Variants in DZIP3 observed in about 807,000 individuals in gnomAD.
DZIP3 encodes E3 ubiquitin-protein ligase DZIP3.
Under a neutral mutation model 162.0 loss-of-function variants are expected in DZIP3, and 118 were observed. The ratio of observed to expected loss-of-function variants is 0.73; its 90% CI spans 0.63 to 0.85. The LOEUF (loss-of-function observed/expected upper bound fraction) is 0.85. Among genes scored for constraint, DZIP3 ranks in the 40% least tolerant of loss-of-function variants. The probability of loss-of-function intolerance (pLI) is 0.00; values close to 1 mark genes in which losing one functional copy is unlikely to be tolerated. For synonymous variants in DZIP3, 438 were observed against 458.6 expected (o/e 0.96, Z 0.57); for missense variants, 1,331 against 1,407.0 (o/e 0.95, Z 0.86).
intron 26 of DZIP3, among the ~76,000 whole-genome samples, 167 bp from the exon 27 acceptor site, chr3:108,684,047 CAT>C (rs35559175): frequency 0.23 from 35,000 of 151,866 alleles, 4,730 homozygotes; most frequent in Non-Finnish European, 0.31. Context: ...TTCCAATATT[CAT>C]ATGTTTCATT....
chr3:108,592,276 T>C (rs1455175750), intron 1 of DZIP3, among the ~76,000 whole-genome samples: 1 of 151,954 alleles, frequency 6.6e-6, no homozygotes, highest in African/African-American at 2.4e-5. Flanking sequence ...TGAAGTAAAA[T>C]AGGTAGGATT....
intron 19 of DZIP3, 21 bp from the exon 20 acceptor site, chr3:108,661,856 C>T (rs1334275878): frequency 6.3e-7 from 1 of 1,584,786 alleles, no homozygotes; most frequent in Non-Finnish European, 8.6e-7. Flanking sequence ...ATAATACATG[C>T]ATATTTCCTG....
chr3:108,653,509 A>G (rs2966556), intron 18 of DZIP3, among the ~76,000 whole-genome samples: 900 of 16,294 alleles, frequency 0.055, 7 homozygotes, highest in South Asian at 0.2. Context: ...GTGTGTGTGT[A>G]TATATATATA....
chr3:108,686,019 T>C (rs763789837), intron 27 of DZIP3, among the ~76,000 whole-genome samples: 44 of 152,338 alleles, frequency 2.9e-4, no homozygotes, highest in Non-Finnish European at 5.6e-4. Flanking sequence ...TGATTAGATG[T>C]GCCATAATTT....
At chr3:108,690,927 G>A (rs1266893785) in intron 32 of DZIP3, 24 bp downstream of exon 32, 4 of 1,601,412 alleles carry the variant, frequency 2.5e-6, no homozygotes, top group Non-Finnish European at 3.4e-6. Flanking sequence ...TGCAAAGGAA[G>A]CTCAGTTTTC....
chr3:108,608,425 A>G (rs540661700), intron 3 of DZIP3, among the ~76,000 whole-genome samples: 1 of 152,268 alleles, frequency 6.6e-6, no homozygotes, highest in Non-Finnish European at 1.5e-5. Context: ...GAAATAACCC[A>G]ACAATCATTT....
intron 7 of DZIP3, among the ~76,000 whole-genome samples, chr3:108,627,617 T>C (rs147627918): frequency 2.0e-3 from 305 of 152,342 alleles, no homozygotes; most frequent in African/African-American, 7.0e-3. Flanking sequence ...TAGGACTGGA[T>C]TCAGGTGTCC....
chr3:108,609,312 G>A (rs374822093), intron 3 of DZIP3, among the ~76,000 whole-genome samples: 2 of 152,050 alleles, frequency 1.3e-5, no homozygotes, highest in Non-Finnish European at 2.9e-5. Flanking sequence ...TGAGGTTATC[G>A]CTGTAAAAAA....
intron 8 of DZIP3, among the ~76,000 whole-genome samples, chr3:108,629,589 A>G (rs892287848): frequency 6.6e-6 from 1 of 152,076 alleles, no homozygotes; most frequent in Non-Finnish European, 1.5e-5. Flanking sequence ...TGGAAAAACC[A>G]TTGTTAGCAT....
chr3:108,672,472 G>A lies in DZIP3; in HGVS notation c.2493-88G>A, dbSNP rs189694326. On this transcript the variant is annotated intron_variant, in intron 22 of 32. Transcript: ENST00000361582. ...TCCAAGAAATAATTTCCTACTGATT[G>A]TATAACTTATCTTTCTTCCTCCTGA... 2.6e-3 allele frequency: 2,890 copies of A among 1,090,680 alleles called. 13 individuals are homozygous for A. The highest frequency in any genetic ancestry group is 4.9e-3 in the South Asian group (360 of 72,862). 67.6% of individuals were successfully genotyped at this position (1,090,680 alleles called of 1,614,324 possible). A position where few individuals can be genotyped will look rare whatever the true frequency, so the allele number is the denominator to read the frequency against.
At chr3:108,613,038 T>G (rs141494428) in intron 4 of DZIP3, among the ~76,000 whole-genome samples, 4 of 152,268 alleles carry the variant, frequency 2.6e-5, no homozygotes, top group African/African-American at 9.6e-5. Flanking sequence ...AATTTGTGTT[T>G]TAGTAAGTAC....
Position 108,648,089 on chromosome 3 carries a change from G to A in DZIP3, c.1939G>A (p.Glu647Lys), listed in dbSNP as rs750005271. Reference protein sequence around the residue: ...GTSIPSESSTESLKDLQEVKS... With the variant: ...GTSIPSESSTKSLKDLQEVKS... ...CTCAATACCCAGTGAATCTTCAACA[G>A]AATCTCTTAAAGATCTCCAGGAAGT... is the stretch of plus-strand genomic sequence containing the variant. Residue 647 changes from glutamate (E) to lysine (K), a missense_variant, in exon 16 of 33, where the codon GAA (glutamate) becomes AAA (lysine). Glu to Lys is a moderately conservative substitution (Grantham distance 56). Transcript: ENST00000361582. 9 of 1,603,808 alleles carry A rather than the reference G, an allele frequency of 5.6e-6. No homozygotes were observed. Among genetic ancestry groups the A allele is most frequent in the Non-Finnish European group, 7.6e-6 (9 of 1,176,982 alleles).
chr3:108,683,268 T>C (rs1944384076), intron 26 of DZIP3, among the ~76,000 whole-genome samples: 1 of 144,300 alleles, frequency 6.9e-6, no homozygotes, highest in South Asian at 2.1e-4. Flanking sequence ...CCAGTTAGAA[T>C]TTTTGTTTCC....
chr3:108,685,230 C>T (rs966686389), intron 27 of DZIP3, among the ~76,000 whole-genome samples: 1 of 152,104 alleles, frequency 6.6e-6, no homozygotes, highest in Non-Finnish European at 1.5e-5. Context: ...TTGCAATTTG[C>T]TTGCCCACCA....
At chr3:108,682,125 A>G (rs1944337260) in intron 26 of DZIP3, among the ~76,000 whole-genome samples, 1 of 150,940 alleles carries the variant, frequency 6.6e-6, no homozygotes, top group South Asian at 2.1e-4. Context: ...AATGATATCA[A>G]ATGTTGGCGA....
In DZIP3 at chr3:108,637,662, A is replaced by AGTATTAAGG; in HGVS notation, c.1064+114_1064+115insGTATTAAGG. 3 of 701,474 alleles carry AGTATTAAGG rather than the reference A, an allele frequency of 4.3e-6. 1 individual carries two copies. Among genetic ancestry groups the AGTATTAAGG allele is most frequent in the African/African-American group, 3.8e-5 (2 of 53,024 alleles). The allele number at this position is 701,474 out of a possible 1,614,324, so 43.5% of individuals were successfully genotyped here. ...ATAGAGCTGCATTAAATTTTAAGGT[A>AGTATTAAGG]TGTGAAAAAATCATATTTAATTGCC... On this transcript the variant is annotated intron_variant, in intron 12 of 32. Transcript: ENST00000361582.
In DZIP3 at chr3:108,598,303, A is replaced by G. The variant is rs1241730074; in HGVS notation, c.-72-7032A>G. ...GATTTATTAGCTATGAGACTCTATAAGCCTCAGTTTCTTAATTTTTAAAAC... is the reference window on the plus strand; with the variant it reads ...GATTTATTAGCTATGAGACTCTATAGGCCTCAGTTTCTTAATTTTTAAAAC... On this transcript the variant is annotated intron_variant, in intron 1 of 32. Coordinates refer to ENST00000361582, the MANE Select transcript of DZIP3 (RefSeq NM_014648.4). Among the ~76,000 whole-genome samples the G allele has an allele frequency of 2.6e-5, 4 of 152,288 alleles. No homozygotes were observed. In the East Asian group the frequency reaches 5.8e-4, roughly 22 times the overall value.
At chr3:108,636,877 T>C (rs1440774086) in intron 11 of DZIP3, among the ~76,000 whole-genome samples, 169 bp downstream of exon 11, 1 of 151,940 alleles carries the variant, frequency 6.6e-6, no homozygotes, top group African/African-American at 2.4e-5. Flanking sequence ...TACAAAGTAA[T>C]GTTTAAGTGG....
intron 4 of DZIP3, among the ~76,000 whole-genome samples, chr3:108,611,978 T>G (rs1379575375): frequency 6.9e-6 from 1 of 145,174 alleles, no homozygotes; most frequent in Non-Finnish European, 1.5e-5. Flanking sequence ...AAAAAAAAAG[T>G]TGACACATTT....
Sources: gnomAD v4.1 joint callset for allele counts (sites outside exome capture counted in the v4.1 genomes callset) on GRCh38, gnomAD v4.1.1 for gene constraint, MANE v1.5 for transcripts, NCBI Gene and HGNC (gene_info 2026-07-23, HGNC 2026-07-21) for gene names.